The following GRK5 variants were observed in gnomAD, a reference collection of about 807,000 sequenced individuals.
GRK5 encodes g protein-coupled receptor kinase GRK5.
A neutral mutation model predicts 78.4 loss-of-function variants in GRK5; 40 were observed. The ratio of observed to expected loss-of-function variants is 0.51; its 90% confidence interval spans 0.40 to 0.66. The LOEUF is 0.66. Among genes scored for constraint, GRK5 ranks in the 30% least tolerant of loss-of-function variants. The probability of loss-of-function intolerance (pLI) is 0.00; values close to 1 mark genes in which losing one functional copy is unlikely to be tolerated. For synonymous variants in GRK5, 289 were observed against 296.8 expected (o/e 0.97, Z 0.27); for missense variants, 598 against 759.9 (o/e 0.79, Z 2.50).
In GRK5 at chr10:119,267,358, A is replaced by G. The variant is rs1479869398; in HGVS notation, c.53-59158A>G. On this transcript the variant is annotated intron_variant, in intron 1 of 15. Transcript: ENST00000392870. The surrounding 1 kb of genome is among the most constrained non-coding windows in gnomAD (Gnocchi z 4.1). ...TTGGCCTCCCAAAGTGTGGGATTAC[A>G]GGTGTGAGCCACCGTGCCTAGCTGT... Among the ~76,000 whole-genome samples the G allele has an allele frequency of 1.3e-5, 2 of 152,168 alleles. No homozygotes were observed. Among genetic ancestry groups the G allele is most frequent in the Non-Finnish European group, 2.9e-5 (2 of 68,028 alleles).
At chr10:119,278,404 G>C (rs1849703089) in intron 1 of GRK5, among the ~76,000 whole-genome samples, 1 of 152,104 alleles carries the variant, frequency 6.6e-6, no homozygotes, top group Non-Finnish European at 1.5e-5. Flanking sequence ...TCTCTGTAGG[G>C]CTGGCAAGCT....
Position 119,232,764 on chromosome 10 carries a change from A to G in GRK5, c.52+24795A>G, listed in dbSNP as rs187026878. Among the ~76,000 whole-genome samples, 72 of 152,320 alleles carry G rather than the reference A, an allele frequency of 4.7e-4. 1 individual carries two copies. Among genetic ancestry groups the G allele is most frequent in the African/African-American group, 1.4e-3 (59 of 41,568 alleles). ...CCAGCCATGTGAAACTGAAAGTCCA[A>G]TGAAACCTCTTTCTTTTGTAAATTG... On this transcript the variant is annotated intron_variant, in intron 1 of 15. Coordinates refer to ENST00000392870, the MANE Select transcript of GRK5 (RefSeq NM_005308.3).
chr10:119,393,391 G>A (rs1484049270), intron 3 of GRK5, among the ~76,000 whole-genome samples: 2 of 152,264 alleles, frequency 1.3e-5, no homozygotes, highest in African/African-American at 2.4e-5. Context: ...GTGGGTTTTA[G>A]TACCCACAGC....
At chr10:119,341,355 C>T (rs1281815052) in intron 2 of GRK5, among the ~76,000 whole-genome samples, 2 of 152,218 alleles carry the variant, frequency 1.3e-5, no homozygotes, top group Non-Finnish European at 2.9e-5. Context: ...CCCGGCCTCT[C>T]CGCCCTTGCT....
At chr10:119,252,384 G>A (rs1385929063) in intron 1 of GRK5, among the ~76,000 whole-genome samples, 1 of 152,202 alleles carries the variant, frequency 6.6e-6, no homozygotes, top group Non-Finnish European at 1.5e-5. Flanking sequence ...TGGATCCTAG[G>A]GGCCAGCGTG....
Position 119,378,200 on chromosome 10 carries a change from G to A in GRK5, c.149-2615G>A, listed in dbSNP as rs1851654631. On this transcript the variant is annotated intron_variant, in intron 2 of 15. Coordinates refer to ENST00000392870, the MANE Select transcript of GRK5 (RefSeq NM_005308.3). This position sits in a 1 kb window ranked among gnomAD's most constrained non-coding sequence, Gnocchi z 4.5. ...CCTGCGGGCTGGGACCACATCCCTA[G>A]GTACCCCTCCCCGTCAGAACCTGGC... 6.6e-6 allele frequency among the ~76,000 whole-genome samples: 1 copy of A among 152,158 alleles called. No homozygotes were observed.
intron 3 of GRK5, among the ~76,000 whole-genome samples, chr10:119,383,285 G>A (rs1022469457): frequency 4.6e-5 from 7 of 152,176 alleles, no homozygotes; most frequent in East Asian, 3.8e-4. Context: ...TTCGGTTTCC[G>A]TTTTTGCAGG....
At chr10:119,275,356 C>T (rs944388406) in intron 1 of GRK5, among the ~76,000 whole-genome samples, 7 of 152,160 alleles carry the variant, frequency 4.6e-5, no homozygotes, top group Non-Finnish European at 8.8e-5. Flanking sequence ...TCTTTGACCT[C>T]GGTCAGGCTT....
intron 1 of GRK5, among the ~76,000 whole-genome samples, chr10:119,258,779 G>A (rs1040357748): frequency 2.0e-5 from 3 of 152,190 alleles, no homozygotes; most frequent in Admixed American, 2.0e-4. Context: ...AGAGGGGAGA[G>A]GAAAAGGAAG....
chr10:119,299,782 T>C (rs1049160209), intron 1 of GRK5, among the ~76,000 whole-genome samples: 1 of 134,182 alleles, frequency 7.5e-6, no homozygotes, highest in Non-Finnish European at 1.6e-5. Flanking sequence ...CACAGACTCT[T>C]CATTTAAGCA....
chr10:119,373,940 A>G (rs1369164864), intron 2 of GRK5, among the ~76,000 whole-genome samples: 4 of 152,224 alleles, frequency 2.6e-5, no homozygotes, highest in African/African-American at 9.7e-5. Flanking sequence ...AAGAGACCAT[A>G]TGGCCCTCAA....
At chr10:119,259,386 G>T (rs1396362242) in intron 1 of GRK5, among the ~76,000 whole-genome samples, 1 of 152,170 alleles carries the variant, frequency 6.6e-6, no homozygotes, top group Non-Finnish European at 1.5e-5. Context: ...TTTCATCTTG[G>T]CTCTGTCTAC....
intron 1 of GRK5, among the ~76,000 whole-genome samples, chr10:119,256,003 T>G (rs527832325): frequency 6.6e-6 from 1 of 152,260 alleles, no homozygotes; most frequent in South Asian, 2.1e-4. Flanking sequence ...AGTAAGTAAC[T>G]TGGATATGAC....
chr10:119,379,601 T>TC lies in GRK5; in HGVS notation c.149-1213dup, dbSNP rs1331804038. On this transcript the variant is annotated intron_variant, in intron 2 of 15. Transcript: ENST00000392870. The surrounding 1 kb of genome is among the most constrained non-coding windows in gnomAD (Gnocchi z 4.1). ...CTGCAAGTTGCTGTCCTTCCCAGGC[T>TC]CTATCGCCCTCTTCCCTGTTTCCCA... is the stretch of plus-strand genomic sequence containing the variant. Among the ~76,000 whole-genome samples, 1 of 152,152 alleles carries TC rather than the reference T, an allele frequency of 6.6e-6. No individual in the cohort carries two copies. Among genetic ancestry groups the TC allele is most frequent in the African/African-American group, 2.4e-5 (1 of 41,444 alleles).
chr10:119,281,557 T>C (rs1849762554), intron 1 of GRK5, among the ~76,000 whole-genome samples: 1 of 152,146 alleles, frequency 6.6e-6, no homozygotes, highest in Admixed American at 6.5e-5. Context: ...TGAGCCACTG[T>C]TCTGTAATCA....
At chr10:119,371,318 C>A (rs1851543119) in intron 2 of GRK5, among the ~76,000 whole-genome samples, 1 of 152,236 alleles carries the variant, frequency 6.6e-6, no homozygotes, top group Admixed American at 6.5e-5. Context: ...GGGCCGCCCT[C>A]ACTGCCTGTG....
At chr10:119,276,331 A>G (rs1336594751) in intron 1 of GRK5, among the ~76,000 whole-genome samples, 1 of 151,538 alleles carries the variant, frequency 6.6e-6, no homozygotes, top group Non-Finnish European at 1.5e-5. Context: ...ATTCCCACCT[A>G]TGAATGAGAA....
At chr10:119,446,491 C>G (rs994587217) in intron 12 of GRK5, among the ~76,000 whole-genome samples, 10 of 140,722 alleles carry the variant, frequency 7.1e-5, no homozygotes, top group Non-Finnish European at 1.5e-5. Context: ...TTCTCATCCT[C>G]GTTTGTGCCA....
At chr10:119,334,318 AAG>A (rs371939721) in intron 2 of GRK5, among the ~76,000 whole-genome samples, 1 of 152,020 alleles carries the variant, frequency 6.6e-6, no homozygotes, top group African/African-American at 2.4e-5. Flanking sequence ...AAAAAAGAAA[AAG>A]AGAGAGAGAG....
Sources: gnomAD v4.1 joint callset for allele counts (sites outside exome capture counted in the v4.1 genomes callset) on GRCh38, gnomAD v4.1.1 for gene constraint, Gnocchi (gnomAD v3.1) non-coding constraint, MANE v1.5 for transcripts, NCBI Gene and HGNC (gene_info 2026-07-23, HGNC 2026-07-21) for gene names.